The following TRIM44 variants were observed in gnomAD, a reference collection of about 807,000 sequenced individuals.
TRIM44 encodes the protein tripartite motif-containing protein 44.
In TRIM44, 13 loss-of-function variants were observed where a neutral mutation model predicts 37.4. The observed-to-expected ratio is 0.35, with a 90% CI of 0.23 to 0.55. The LOEUF (loss-of-function observed/expected upper bound fraction) is 0.55. Ranked by LOEUF, TRIM44 falls within the 20% of genes least tolerant of loss-of-function variation. The pLI, the probability that TRIM44 is intolerant of heterozygous loss-of-function variation, is 0.89. For synonymous variants in TRIM44, 175 were observed against 157.2 expected (o/e 1.11, Z -0.85); for missense variants, 426 against 437.2 (o/e 0.97, Z 0.23).
rs904603460 is a variant in TRIM44, at chr11:35,815,772, A to G, written c.*9387A>G. On this transcript the variant is annotated 3_prime_UTR_variant, in exon 5 of 5. Transcript: ENST00000299413. Reference sequence around the variant, plus strand: ...CTGCCATTGCATATGTTTAAGTGGTATAAAGAAGCCAGGATTCCTAGAATG... The same window carrying G: ...CTGCCATTGCATATGTTTAAGTGGTGTAAAGAAGCCAGGATTCCTAGAATG... The G allele has an allele frequency of 6.6e-6, 1 of 152,218 alleles. No individual in the cohort carries two copies. Among genetic ancestry groups the G allele is most frequent in the African/African-American group, 2.4e-5 (1 of 41,458 alleles). 9.4% of individuals were successfully genotyped at this position (152,218 alleles called of 1,614,324 possible).
intron 3 of TRIM44, among the ~76,000 whole-genome samples, chr11:35,729,351 A>C (rs1590548488): frequency 6.6e-6 from 1 of 152,120 alleles, no homozygotes; most frequent in East Asian, 1.9e-4. Context: ...TGAAACTCTT[A>C]CTTCTACCTT....
chr11:35,805,284 T>C (rs1209240790), intron 4 of TRIM44, among the ~76,000 whole-genome samples: 1 of 152,210 alleles, frequency 6.6e-6, no homozygotes, highest in Non-Finnish European at 1.5e-5. Flanking sequence ...TGGCTCTTGT[T>C]ACTATTTTAA....
intron 2 of TRIM44, among the ~76,000 whole-genome samples, chr11:35,723,686 G>A (rs1852136020): frequency 6.6e-6 from 1 of 152,158 alleles, no homozygotes. Context: ...TAAGTGAGAT[G>A]TCAGCTTCCT....
In TRIM44 at chr11:35,811,728, C is replaced by T. The variant is rs560658769; in HGVS notation, c.*5343C>T. On this transcript the variant is annotated 3_prime_UTR_variant, in exon 5 of 5. Coordinates refer to ENST00000299413, the MANE Select transcript of TRIM44 (RefSeq NM_017583.6). Reference sequence around the variant, plus strand: ...TTTAATGTTTAAAAATCCTAAAACCCACCAGCAGGTGTATCTGGAGGGACA... The same window carrying T: ...TTTAATGTTTAAAAATCCTAAAACCTACCAGCAGGTGTATCTGGAGGGACA... 6.6e-6 allele frequency: 1 copy of T among 152,290 alleles called. No homozygotes were observed. Among genetic ancestry groups the T allele is most frequent in the South Asian group, 2.1e-4 (1 of 4,816 alleles). 9.4% of individuals were successfully genotyped at this position (152,290 alleles called of 1,614,324 possible).
chr11:35,665,608 T>G (rs900681722), intron 1 of TRIM44, among the ~76,000 whole-genome samples: 3 of 144,268 alleles, frequency 2.1e-5, no homozygotes, highest in Non-Finnish European at 4.6e-5. Context: ...TTTTTTTTTT[T>G]TTTTGAGATA....
chr11:35,743,523 T>C (rs1430842606), intron 4 of TRIM44, among the ~76,000 whole-genome samples: 1 of 152,230 alleles, frequency 6.6e-6, no homozygotes, highest in East Asian at 1.9e-4. Flanking sequence ...ATTCCCCTTT[T>C]GGGGGTTGCT....
chr11:35,760,077 C>G (rs1852701448), intron 4 of TRIM44, among the ~76,000 whole-genome samples: 1 of 152,220 alleles, frequency 6.6e-6, no homozygotes, highest in African/African-American at 2.4e-5. Context: ...TTTGCTTATG[C>G]CCTGCCCTCA....
chr11:35,740,962 T>C (rs1358598042), intron 4 of TRIM44, among the ~76,000 whole-genome samples: 1 of 152,158 alleles, frequency 6.6e-6, no homozygotes, highest in Non-Finnish European at 1.5e-5. Context: ...AATAACCATA[T>C]GTTCTTAGAT....
intron 1 of TRIM44, among the ~76,000 whole-genome samples, chr11:35,666,470 A>G (rs577988871): frequency 2.0e-5 from 3 of 152,366 alleles, no homozygotes; most frequent in South Asian, 2.1e-4. Context: ...TAATATCATT[A>G]CAACATGAAG....
At chr11:35,672,602 G>A (rs528279101) in intron 1 of TRIM44, among the ~76,000 whole-genome samples, 15 of 152,232 alleles carry the variant, frequency 9.9e-5, no homozygotes, top group South Asian at 4.2e-4. Context: ...AGTGATAAGC[G>A]GAACAACTGC....
At position 35,783,720 on chromosome 11, in the gene TRIM44, C is replaced by T. The variant is rs184099648; in HGVS notation, c.1008-22638C>T. 3.9e-3 allele frequency among the ~76,000 whole-genome samples: 587 copies of T among 152,182 alleles called. 8 individuals are homozygous for T. The highest frequency in any genetic ancestry group is 3.9e-3 in the South Asian group (19 of 4,816). On this transcript the variant is annotated intron_variant, in intron 4 of 4. Transcript: ENST00000299413. ...TGTTTTGGTCAGAATGAATTGTGTG[C>T]GTGAAATGAGAGCCTAGCCCCTTCC...
Position 35,663,302 on chromosome 11 carries a change from C to T in TRIM44, c.191C>T (p.Ser64Phe), listed in dbSNP as rs377117775. 19 of 1,614,064 alleles carry T rather than the reference C, an allele frequency of 1.2e-5. No individual in the cohort carries two copies. Among genetic ancestry groups the T allele is most frequent in the South Asian group, 2.2e-5 (2 of 91,070 alleles). The part of the protein sequence containing the change: ...SHHLAEYVHG[S>F]QAWTPPADGE... ...CATCTGGCCGAATACGTCCACGGCT[C>T]CCAGGCCTGGACCCCGCCAGCTGAC... is the stretch of plus-strand genomic sequence containing the variant. Residue 64 changes from serine (S) to phenylalanine (F), a missense_variant, in exon 1 of 5, where the codon TCC (serine) becomes TTC (phenylalanine). Ser to Phe is a radical substitution (Grantham distance 155, BLOSUM62 -2). This residue lies in a region of TRIM44 where 331 missense variants were observed against 303.0 expected (regional missense o/e 1.09). Transcript: ENST00000299413.
intron 4 of TRIM44, among the ~76,000 whole-genome samples, chr11:35,780,647 A>G (rs1175252313): frequency 6.6e-6 from 1 of 152,222 alleles, no homozygotes; most frequent in African/African-American, 2.4e-5. Context: ...ATATGTGCCA[A>G]TATTCATACA....
chr11:35,683,278 C>T (rs1342785589), intron 1 of TRIM44, among the ~76,000 whole-genome samples: 1 of 151,928 alleles, frequency 6.6e-6, no homozygotes, highest in Admixed American at 6.6e-5. Flanking sequence ...AAAAATAGAA[C>T]TTATTAAAAT....
chr11:35,801,124 T>A (rs2133883483), intron 4 of TRIM44, among the ~76,000 whole-genome samples: 1 of 152,326 alleles, frequency 6.6e-6, no homozygotes, highest in Non-Finnish European at 1.5e-5. Context: ...GGTCCCTGGA[T>A]CCGAGTGTTT....
intron 1 of TRIM44, among the ~76,000 whole-genome samples, chr11:35,684,082 TG>T (rs1158378421): frequency 6.6e-6 from 1 of 152,190 alleles, no homozygotes; most frequent in Non-Finnish European, 1.5e-5. Context: ...GTAAGTAACT[TG>T]CCTAAGGTCA....
At chr11:35,677,931 T>G (rs114696719) in intron 1 of TRIM44, among the ~76,000 whole-genome samples, 1,906 of 152,282 alleles carry the variant, frequency 0.013, 44 homozygotes, top group African/African-American at 0.043. Context: ...GAGGACTTTT[T>G]GAACTAGTGA....
At chr11:35,696,971 TA>T (rs1173472665) in intron 2 of TRIM44, among the ~76,000 whole-genome samples, 17 of 152,220 alleles carry the variant, frequency 1.1e-4, no homozygotes, top group African/African-American at 4.1e-4. Flanking sequence ...ACTGTTGTAC[TA>T]CTGTACTATT....
chr11:35,702,338 G>A (rs577077074), intron 2 of TRIM44, among the ~76,000 whole-genome samples: 40 of 152,318 alleles, frequency 2.6e-4, no homozygotes, highest in Admixed American at 5.2e-4. Flanking sequence ...CGCATCCACC[G>A]TTCTTTGACC....
Sources: gnomAD v4.1 joint callset for allele counts (sites outside exome capture counted in the v4.1 genomes callset) on GRCh38, gnomAD v4.1.1 for gene constraint, gnomAD v4.1.1 regional missense constraint, MANE v1.5 for transcripts, NCBI Gene and HGNC (gene_info 2026-07-23, HGNC 2026-07-21) for gene names.